UGGT1: variants seen among roughly 807,000 people sequenced by gnomAD.
UGGT1 encodes the protein UDP-glucose:glycoprotein glucosyltransferase 1.
A neutral mutation model predicts 203.9 loss-of-function variants in UGGT1; 107 were observed. The observed-to-expected ratio is 0.52, with a 90% CI of 0.45 to 0.62. The LOEUF is 0.62. Ranked by LOEUF, UGGT1 falls within the 20% of genes least tolerant of loss-of-function variation. UGGT1 has a pLI of 0.00. For missense variants in UGGT1, 1,673 were observed against 1,867.2 expected, an observed-to-expected ratio of 0.90 and a Z score of 1.92; for synonymous variants, 628 against 653.5, an observed-to-expected ratio of 0.96 and a Z score of 0.59.
At chr2:128,117,978 C>CTG (rs1323473266) in intron 8 of UGGT1, among the ~76,000 whole-genome samples, 3 of 95,864 alleles carry the variant, frequency 3.1e-5, no homozygotes, top group South Asian at 2.5e-4. Context: ...GTGTGTGTGT[C>CTG]TGTGTGTGTG....
In UGGT1 at chr2:128,120,008, C is replaced by T. The variant is rs183681932; in HGVS notation, c.873-348C>T. Among the ~76,000 whole-genome samples, 185 of 151,872 alleles carry T rather than the reference C, an allele frequency of 1.2e-3. 2 individuals carry two copies. The highest frequency in any genetic ancestry group is 0.011 in the Admixed American group (173 of 15,234). On this transcript the variant is annotated intron_variant, in intron 8 of 40. Coordinates refer to ENST00000259253, the MANE Select transcript of UGGT1 (RefSeq NM_020120.4). ...CACAGGCTGACCTGGAACTCCTGGG[C>T]TCAAGTGATCCTCCTGCCTTGGCCT...
In UGGT1 at chr2:128,172,881, G is replaced by A. The variant is rs1026335896; in HGVS notation, c.3294+119G>A. 6 of 942,464 alleles carry A rather than the reference G, an allele frequency of 6.4e-6. No individual in the cohort carries two copies. In the East Asian group the frequency reaches 1.3e-4, roughly 20 times the overall value. The allele number at this position is 942,464 out of a possible 1,614,324, so 58.4% of individuals were successfully genotyped here. On this transcript the variant is annotated intron_variant, in intron 29 of 40. Coordinates refer to ENST00000259253, the MANE Select transcript of UGGT1 (RefSeq NM_020120.4). Reference sequence around the variant, plus strand: ...AGGTATGATATTTTTTTAAACAACAGCTTTATTCACATGGAACTCATATAC... The same window carrying A: ...AGGTATGATATTTTTTTAAACAACAACTTTATTCACATGGAACTCATATAC...
At chr2:128,094,991 C>T (rs1159602834) in intron 1 of UGGT1, among the ~76,000 whole-genome samples, 2 of 151,996 alleles carry the variant, frequency 1.3e-5, no homozygotes, top group Admixed American at 6.6e-5. Context: ...TCAGGTGATC[C>T]ACCCACCTCA....
At position 128,161,264 on chromosome 2, in the gene UGGT1, G is replaced by T; in HGVS notation, c.2821G>T (p.Asp941Tyr). The T allele has an allele frequency of 6.2e-7, 1 of 1,613,402 alleles. No homozygotes were observed. Among genetic ancestry groups the T allele is most frequent in the Non-Finnish European group, 8.5e-7 (1 of 1,179,752 alleles). Reference sequence around the variant, plus strand: ...TATTCAACAGCTTCGGGTAGAAGAAGATGTGTAAGTTTTGCCATAGGAGGA... The same window carrying T: ...TATTCAACAGCTTCGGGTAGAAGAATATGTGTAAGTTTTGCCATAGGAGGA... ...SHIQQLRVEE[D>Y]VASDLVMKVD... Residue 941 changes from aspartate (D) to tyrosine (Y), a missense_variant, in exon 25 of 41, where the codon GAT becomes TAT. Asp to Tyr is a radical substitution (Grantham distance 160). Around this residue, in one of 4 missense-constraint regions of UGGT1, gnomAD observed 1,073 missense variants for 1,078.7 expected, o/e 0.99. Coordinates refer to ENST00000259253, the MANE Select transcript of UGGT1 (RefSeq NM_020120.4).
At chr2:128,142,357 G>A (rs1003496227) in intron 16 of UGGT1, among the ~76,000 whole-genome samples, 6 of 151,428 alleles carry the variant, frequency 4.0e-5, no homozygotes, top group Admixed American at 1.3e-4. Flanking sequence ...AGGCCGAGGC[G>A]GGCGAATCAC....
intron 29 of UGGT1, among the ~76,000 whole-genome samples, chr2:128,173,446 C>T (rs972677458): frequency 6.6e-6 from 1 of 151,936 alleles, no homozygotes; most frequent in African/African-American, 2.4e-5. Flanking sequence ...TTTAGAATAA[C>T]GTCCTTATTG....
At chr2:128,118,904 A>G (rs1451804846) in intron 8 of UGGT1, among the ~76,000 whole-genome samples, 1 of 152,018 alleles carries the variant, frequency 6.6e-6, no homozygotes, top group African/African-American at 2.4e-5. Context: ...TCCTGGGCTC[A>G]AGGGATCTGC....
intron 11 of UGGT1, among the ~76,000 whole-genome samples, chr2:128,126,467 C>T (rs1406661870): frequency 6.6e-6 from 1 of 152,024 alleles, no homozygotes; most frequent in Non-Finnish European, 1.5e-5. Flanking sequence ...GTCTCAAACT[C>T]CTGACCTCAG....
chr2:128,116,322 G>C lies in UGGT1; in HGVS notation c.851G>C (p.Gly284Ala). The C allele has an allele frequency of 6.2e-7, 1 of 1,611,420 alleles. No individual in the cohort carries two copies. Among genetic ancestry groups the C allele is most frequent in the Non-Finnish European group, 8.5e-7 (1 of 1,177,792 alleles). Reference protein sequence around the residue: ...GENDPIDEVQGFLFGKLRDLH... With the variant: ...GENDPIDEVQAFLFGKLRDLH... The stretch of plus-strand genomic sequence containing the variant: ...AATGATCCTATTGATGAGGTTCAGG[G>C]GTTCCTCTTTGGAAAATTAAGGTAT... The change falls in exon 8 of 41, where the codon GGG becomes GCG. Residue 284 changes from glycine (G) to alanine (A), a missense_variant. Physicochemically the swap from Gly to Ala is moderately conservative, Grantham distance 60 (BLOSUM62 0). This residue lies in a region of UGGT1 where 1,073 missense variants were observed against 1,078.7 expected (regional missense o/e 0.99). Coordinates refer to ENST00000259253, the MANE Select transcript of UGGT1 (RefSeq NM_020120.4).
chr2:128,116,408 A>G lies in UGGT1; in HGVS notation c.872+65A>G, dbSNP rs73955919. ...TCTTTAAGCCTCCAGGCTTTCTTGC[A>G]TTTTAAGCATCATCTTACTCATTAC... On this transcript the variant is annotated intron_variant, in intron 8 of 40. Coordinates refer to ENST00000259253, the MANE Select transcript of UGGT1 (RefSeq NM_020120.4). The G allele has an allele frequency of 2.6e-3, 2,682 of 1,032,094 alleles. 39 individuals carry two copies. In the African/African-American group the frequency reaches 0.033, roughly 13 times the overall value. 63.9% of individuals were successfully genotyped at this position (1,032,094 alleles called of 1,614,324 possible). A position where few individuals can be genotyped will look rare whatever the true frequency, so the allele number is the denominator to read the frequency against.
chr2:128,183,449 A>G (rs1446040509), intron 37 of UGGT1, among the ~76,000 whole-genome samples: 1 of 152,168 alleles, frequency 6.6e-6, no homozygotes, highest in East Asian at 1.9e-4. Context: ...TTTCTTTCGG[A>G]TGGCAAATAC....
At chr2:128,154,907 T>C (rs1573584624) in intron 19 of UGGT1, among the ~76,000 whole-genome samples, 1 of 152,170 alleles carries the variant, frequency 6.6e-6, no homozygotes, top group African/African-American at 2.4e-5. Flanking sequence ...GAGAATGACT[T>C]GATGAAACTG....
At chr2:128,128,494 A>G (rs1221472289) in intron 12 of UGGT1, among the ~76,000 whole-genome samples, 2 of 151,760 alleles carry the variant, frequency 1.3e-5, no homozygotes, top group Admixed American at 1.3e-4. Flanking sequence ...TTGTATTTTT[A>G]GTGGAGATGG....
intron 1 of UGGT1, among the ~76,000 whole-genome samples, chr2:128,095,341 T>TTGTTCTTCTTCTCCTTCC (rs1553430225): frequency 6.7e-6 from 1 of 150,320 alleles, no homozygotes; most frequent in African/African-American, 2.5e-5. Flanking sequence ...AAGTGGGATG[T>TTGTTCTTCTTCTCCTTCC]TCTTCTTCTT....
intron 26 of UGGT1, among the ~76,000 whole-genome samples, chr2:128,165,045 T>C (rs1396716777): frequency 1.3e-5 from 2 of 152,218 alleles, no homozygotes; most frequent in East Asian, 3.8e-4. Flanking sequence ...TATTTCTAAA[T>C]GAATCTGAAA....
At chr2:128,138,608 A>ATT (rs1303325740) in intron 15 of UGGT1, 109 bp from the exon 16 acceptor site, 2 of 1,303,328 alleles carry the variant, frequency 1.5e-6, no homozygotes, top group Non-Finnish European at 1.0e-6. Context: ...TCACTCAAAG[A>ATT]GTTTTCCTCT....
chr2:128,189,444 G>C (rs1692150051), intron 40 of UGGT1, among the ~76,000 whole-genome samples: 1 of 152,190 alleles, frequency 6.6e-6, no homozygotes, highest in African/African-American at 2.4e-5. Context: ...CTAAAAAAAT[G>C]CATGCAACGT....
chr2:128,151,914 G>A (rs1027204041), intron 18 of UGGT1, among the ~76,000 whole-genome samples: 1 of 152,210 alleles, frequency 6.6e-6, no homozygotes, highest in Admixed American at 6.5e-5. Flanking sequence ...AAGTATACCT[G>A]TGTGTTAAAT....
intron 17 of UGGT1, 56 bp downstream of exon 17, chr2:128,143,281 C>G: frequency 6.6e-7 from 1 of 1,523,928 alleles, no homozygotes; most frequent in Non-Finnish European, 8.8e-7. Flanking sequence ...GTCCTTAACC[C>G]CGTGTTTGGG....
Sources: allele counts gnomAD v4.1 joint callset (sites outside exome capture counted in the v4.1 genomes callset), GRCh38; gene constraint gnomAD v4.1.1; regional missense constraint gnomAD v4.1.1; transcripts MANE v1.5; gene names NCBI Gene and HGNC (gene_info 2026-07-23, HGNC 2026-07-21).